Variants in LMBRD2 observed in about 807,000 individuals in gnomAD.
LMBRD2 encodes LMBR1 domain containing 2.
LMBRD2 carries 55 observed loss-of-function variants against 94.4 expected under a neutral mutation model. That is an observed-to-expected ratio of 0.58 (90% CI 0.47 to 0.73). The LOEUF (loss-of-function observed/expected upper bound fraction) is 0.73, where lower values mean the gene tolerates loss of function less well. Ranked by LOEUF, LMBRD2 falls within the 30% of genes least tolerant of loss-of-function variation. The pLI is 0.00. For missense variants in LMBRD2, 640 were observed against 831.9 expected, an observed-to-expected ratio of 0.77 and a Z score of 2.84; for synonymous variants, 246 against 272.4, an observed-to-expected ratio of 0.90 and a Z score of 0.95.
chr5:36,113,510 T>A (rs1327228037), intron 13 of LMBRD2, among the ~76,000 whole-genome samples: 1 of 152,172 alleles, frequency 6.6e-6, no homozygotes, highest in Non-Finnish European at 1.5e-5. Context: ...AATCTTTTAG[T>A]TATTTTACTT....
chr5:36,120,671 T>C (rs956579261), intron 9 of LMBRD2, among the ~76,000 whole-genome samples: 3 of 152,154 alleles, frequency 2.0e-5, no homozygotes, highest in Non-Finnish European at 4.4e-5. Flanking sequence ...AAGGAAAACA[T>C]TTTTAGAGTT....
chr5:36,147,508 G>A (rs1330747127), intron 1 of LMBRD2, among the ~76,000 whole-genome samples: 4 of 152,108 alleles, frequency 2.6e-5, no homozygotes, highest in Non-Finnish European at 4.4e-5. Flanking sequence ...TTTAGTGCCC[G>A]ATGTGTGGGC....
At chr5:36,114,394 C>T in intron 13 of LMBRD2, 30 bp downstream of exon 13, 2 of 1,540,820 alleles carry the variant, frequency 1.3e-6, no homozygotes, top group Admixed American at 4.6e-5. Flanking sequence ...GATTTAAGAG[C>T]AAAAGAAAAA....
intron 6 of LMBRD2, among the ~76,000 whole-genome samples, chr5:36,130,738 A>T (rs1042383786): frequency 1.3e-5 from 2 of 152,184 alleles, no homozygotes; most frequent in South Asian, 2.1e-4. Flanking sequence ...TGGAAAACCT[A>T]GAAGAAATGG....
chr5:36,107,237 C>T (rs980073948), intron 16 of LMBRD2, among the ~76,000 whole-genome samples: 1 of 152,174 alleles, frequency 6.6e-6, no homozygotes, highest in Non-Finnish European at 1.5e-5. Flanking sequence ...TCCCCCCTAT[C>T]TGTTCATGCA....
At chr5:36,114,838 C>T (rs1743701219) in intron 12 of LMBRD2, among the ~76,000 whole-genome samples, 177 bp downstream of exon 12, 2 of 151,940 alleles carry the variant, frequency 1.3e-5, no homozygotes, top group South Asian at 4.1e-4. Context: ...ACATTTTTAT[C>T]ATAAAAGAAG....
At position 36,120,011 on chromosome 5, in the gene LMBRD2, TTCTC is replaced by T. The variant is rs983224940; in HGVS notation, c.1121-2099_1121-2096del. ...TTTTCTTTTCTTTCTCTTTCTTTCT[TTCTC>T]TCTTTCTTTCTTTTTGTCTTTCTTT... On this transcript the variant is annotated intron_variant, in intron 9 of 17. Transcript: ENST00000296603. Among the ~76,000 whole-genome samples the T allele has an allele frequency of 8.0e-5, 12 of 149,380 alleles. No homozygotes were observed. In the South Asian group the frequency reaches 1.3e-3, roughly 16 times the overall value.
intron 9 of LMBRD2, among the ~76,000 whole-genome samples, chr5:36,121,662 A>G (rs1324342406): frequency 2.0e-5 from 3 of 152,198 alleles, no homozygotes; most frequent in Non-Finnish European, 4.4e-5. Context: ...AATTACTTAA[A>G]ATTCTAACTA....
In LMBRD2 at chr5:36,141,265, A is replaced by G. The variant is rs549113499; in HGVS notation, c.273-63T>C. ...GACTACTTAAATGAATTATACAATT[A>G]ATTTGCATGTGGCCAAGTTAATTTA... On this transcript the variant is annotated intron_variant, in intron 3 of 17. Transcript: ENST00000296603. 17 of 917,040 alleles carry G rather than the reference A, an allele frequency of 1.9e-5. 1 individual carries two copies. The East Asian group carries it at 4.0e-4, about 22-fold the overall frequency. 56.8% of individuals were successfully genotyped at this position (917,040 alleles called of 1,614,324 possible).
chr5:36,116,830 C>G (rs1387839991), intron 10 of LMBRD2, among the ~76,000 whole-genome samples: 1 of 152,086 alleles, frequency 6.6e-6, no homozygotes, highest in Non-Finnish European at 1.5e-5. Context: ...GCATGTGCCA[C>G]CACGCCCGGC....
chr5:36,114,880 C>A lies in LMBRD2; in HGVS notation c.1542+135G>T, dbSNP rs76261439. The A allele has an allele frequency of 1.3e-3, 878 of 650,554 alleles. 9 individuals are homozygous for A. The East Asian group carries it at 0.025, about 19-fold the overall frequency. 40.3% of individuals were successfully genotyped at this position (650,554 alleles called of 1,614,324 possible). On this transcript the variant is annotated intron_variant, in intron 12 of 17. Coordinates refer to ENST00000296603, the MANE Select transcript of LMBRD2 (RefSeq NM_001007527.2). ...CACTTTTATCTAGTCAATAGTAATA[C>A]GTATACAATCTTTAAGAGAAAATTT...
rs968421785 is a variant in LMBRD2, at chr5:36,099,955, C to G, written c.*4091G>C. ...AAGTAAGACAGAGCAGGACTACGGC[C>G]TGCCCTACTGGAGGAAATTGCTCCT... On this transcript the variant is annotated 3_prime_UTR_variant, in exon 18 of 18. Transcript: ENST00000296603. 1 of 152,076 alleles carries G rather than the reference C, an allele frequency of 6.6e-6. No individual in the cohort carries two copies. The highest frequency in any genetic ancestry group is 2.4e-5 in the African/African-American group (1 of 41,420). 9.4% of individuals were successfully genotyped at this position (152,076 alleles called of 1,614,324 possible).
intron 6 of LMBRD2, among the ~76,000 whole-genome samples, chr5:36,127,525 A>C (rs1304037483): frequency 6.6e-6 from 1 of 152,172 alleles, no homozygotes; most frequent in Non-Finnish European, 1.5e-5. Context: ...TCTGGGTCAC[A>C]TGGGAGTCCA....
At position 36,101,043 on chromosome 5, in the gene LMBRD2, C is replaced by G. The variant is rs1389922828; in HGVS notation, c.*3003G>C. On this transcript the variant is annotated 3_prime_UTR_variant, in exon 18 of 18. Transcript: ENST00000296603. Reference sequence around the variant, plus strand: ...ATGTTTTTTTGAATGTCTGGATTGTCAAATTTTCTGATCTATTCTTTATAA... The same window carrying G: ...ATGTTTTTTTGAATGTCTGGATTGTGAAATTTTCTGATCTATTCTTTATAA... 6 of 151,914 alleles carry G rather than the reference C, an allele frequency of 3.9e-5. No individual in the cohort carries two copies. The highest frequency in any genetic ancestry group is 1.4e-4 in the African/African-American group (6 of 41,414). The allele number at this position is 151,914 out of a possible 1,614,324, so 9.4% of individuals were successfully genotyped here. A position where few individuals can be genotyped will look rare whatever the true frequency, so the allele number is the denominator to read the frequency against.
At chr5:36,121,886 T>C (rs1350180744) in intron 9 of LMBRD2, among the ~76,000 whole-genome samples, 1 of 152,204 alleles carries the variant, frequency 6.6e-6, no homozygotes, top group African/African-American at 2.4e-5. Flanking sequence ...CCATACCATA[T>C]TGCCTACCTG....
intron 1 of LMBRD2, among the ~76,000 whole-genome samples, chr5:36,144,571 C>G (rs927034200): frequency 3.9e-5 from 6 of 152,136 alleles, no homozygotes; most frequent in Non-Finnish European, 7.3e-5. Flanking sequence ...GTAATCACAG[C>G]TACTCAGTAG....
chr5:36,114,651 C>T, intron 12 of LMBRD2, 130 bp from the exon 13 acceptor site: 2 of 1,124,918 alleles, frequency 1.8e-6, no homozygotes, highest in Non-Finnish European at 2.3e-6. Context: ...AGAAAAAAAG[C>T]AGTAAATGGA....
intron 16 of LMBRD2, among the ~76,000 whole-genome samples, chr5:36,107,139 T>C (rs1425634455): frequency 3.3e-5 from 5 of 152,222 alleles, no homozygotes; most frequent in Admixed American, 6.5e-5. Flanking sequence ...TCATGAGAAA[T>C]CTACAATATC....
At chr5:36,104,152 A>G in intron 17 of LMBRD2, 46 bp from the exon 18 acceptor site, 3 of 1,452,202 alleles carry the variant, frequency 2.1e-6, no homozygotes, top group Non-Finnish European at 2.9e-6. Flanking sequence ...CAAAAATAAT[A>G]AAGGAAGAGA....
Sources: allele counts gnomAD v4.1 joint callset (sites outside exome capture counted in the v4.1 genomes callset), GRCh38; gene constraint gnomAD v4.1.1; transcripts MANE v1.5; gene names NCBI Gene and HGNC (gene_info 2026-07-23, HGNC 2026-07-21).